The following NINL variants were observed in gnomAD, a reference collection of about 807,000 sequenced individuals.
The protein encoded by NINL is ninein-like protein.
A neutral mutation model predicts 160.3 loss-of-function variants in NINL; 153 were observed. The ratio of observed to expected loss-of-function variants is 0.95; its 90% CI spans 0.84 to 1.09. The LOEUF is 1.09. Ranked by LOEUF, NINL falls within the 50% of genes least tolerant of loss-of-function variation. NINL has a pLI of 0.00. For synonymous variants in NINL, 800 were observed against 734.8 expected (o/e 1.09, Z -1.43); for missense variants, 1,829 against 1,764.0 (o/e 1.04, Z -0.66).
chr20:25,498,126 G>A, intron 9 of NINL, 84 bp downstream of exon 9: 1 of 1,509,582 alleles, frequency 6.6e-7, no homozygotes, highest in South Asian at 1.2e-5. Context: ...AGAGCTGACT[G>A]GTGTCCTTTG....
intron 1 of NINL, among the ~76,000 whole-genome samples, chr20:25,562,082 C>CA (rs2064948925): frequency 7.4e-6 from 1 of 135,374 alleles, no homozygotes; most frequent in East Asian, 2.1e-4. Flanking sequence ...GTGGGGGGGT[C>CA]AGCCCCCCGC....
chr20:25,494,862 C>A (rs759588494), intron 10 of NINL, among the ~76,000 whole-genome samples: 2 of 152,208 alleles, frequency 1.3e-5, no homozygotes, highest in Non-Finnish European at 2.9e-5. Flanking sequence ...CCACCTGAGG[C>A]TCTTGCTCCC....
rs183089341 is a variant in NINL, at chr20:25,476,366, T to C, written c.2925A>G (p.Leu975=). ...AASCRGQAER[L]QAIQEERARS... The stretch of plus-strand genomic sequence containing the variant: ...GTGCTCGCTCTTCCTGAATGGCCTG[T>C]AGCCTCTCAGCCTGTCCCCTGCACG... The change falls in exon 17 of 24, where the codon CTA becomes CTG. Residue 975 remains leucine, a synonymous_variant. Transcript: ENST00000278886. 2.4e-5 allele frequency: 38 copies of C among 1,611,708 alleles called. No individual in the cohort carries two copies. In the Admixed American group the frequency reaches 3.3e-4, roughly 14 times the overall value.
chr20:25,496,578 C>T, intron 10 of NINL, 85 bp downstream of exon 10: 1 of 1,528,378 alleles, frequency 6.5e-7, no homozygotes, highest in Non-Finnish European at 8.8e-7. Context: ...CAGCTCTGGC[C>T]CCTGGCAGCC....
At chr20:25,547,264 G>T (rs2064746039) in intron 1 of NINL, among the ~76,000 whole-genome samples, 1 of 152,160 alleles carries the variant, frequency 6.6e-6, no homozygotes, top group South Asian at 2.1e-4. Context: ...CCAGCCTCCA[G>T]GGTGGGCGGG....
chr20:25,577,474 C>T (rs1328779479), intron 1 of NINL, among the ~76,000 whole-genome samples: 2 of 152,238 alleles, frequency 1.3e-5, no homozygotes, highest in African/African-American at 4.8e-5. Context: ...CTTCCAGATA[C>T]AAGGAGCTCT....
At chr20:25,582,734 C>A (rs1443710657) in intron 1 of NINL, among the ~76,000 whole-genome samples, 1 of 152,064 alleles carries the variant, frequency 6.6e-6, no homozygotes, top group Non-Finnish European at 1.5e-5. Flanking sequence ...AATATACAAG[C>A]ATTCTTGCAC....
chr20:25,467,482 G>C, intron 18 of NINL, 24 bp from the exon 19 acceptor site: 1 of 1,589,256 alleles, frequency 6.3e-7, no homozygotes, highest in Non-Finnish European at 8.6e-7. Flanking sequence ...ACAATTAACA[G>C]TGATACCACT....
chr20:25,526,686 A>G, intron 1 of NINL, 88 bp from the exon 2 acceptor site: 2 of 1,380,998 alleles, frequency 1.4e-6, no homozygotes, highest in Non-Finnish European at 2.0e-6. Flanking sequence ...ACCGAGCTAC[A>G]TGGTCCAAGC....
At chr20:25,495,873 G>A (rs532378418) in intron 10 of NINL, among the ~76,000 whole-genome samples, 7 of 152,354 alleles carry the variant, frequency 4.6e-5, no homozygotes, top group East Asian at 3.9e-4. Context: ...AAGGCCAGGC[G>A]TGGTGGCTCA....
intron 17 of NINL, among the ~76,000 whole-genome samples, chr20:25,471,028 T>C (rs2063081657): frequency 6.6e-6 from 1 of 152,160 alleles, no homozygotes; most frequent in South Asian, 2.1e-4. Flanking sequence ...TATTTTTTTG[T>C]TTTTTCTTTG....
At chr20:25,566,058 G>C (rs919477931) in intron 1 of NINL, among the ~76,000 whole-genome samples, 1 of 152,152 alleles carries the variant, frequency 6.6e-6, no homozygotes, top group South Asian at 2.1e-4. Context: ...GCAGCCAGCC[G>C]GGCACTGGAC....
At chr20:25,469,862 T>G in intron 18 of NINL, 129 bp downstream of exon 18, 1 of 676,066 alleles carries the variant, frequency 1.5e-6, no homozygotes, top group South Asian at 1.9e-5. Context: ...AGGCTCATGG[T>G]TTAGGGTTTT....
At chr20:25,464,628 C>T (rs1350014363) in intron 19 of NINL, among the ~76,000 whole-genome samples, 1 of 152,180 alleles carries the variant, frequency 6.6e-6, no homozygotes, top group Non-Finnish European at 1.5e-5. Flanking sequence ...AGCCGCCTGC[C>T]TCCCGGGGAC....
intron 19 of NINL, among the ~76,000 whole-genome samples, chr20:25,465,672 C>G (rs401166): frequency 0.45 from 69,011 of 151,930 alleles, 16,272 homozygotes; most frequent in East Asian, 0.92. Flanking sequence ...CGGCCGTCAA[C>G]GCTGTGTTTG....
Position 25,475,949 on chromosome 20 carries a change from G to A in NINL, c.3248+94C>T, listed in dbSNP as rs2063221024. The A allele has an allele frequency of 6.1e-6, 8 of 1,317,214 alleles. No homozygotes were observed. In the East Asian group the frequency reaches 1.2e-4, roughly 19 times the overall value. 81.6% of individuals were successfully genotyped at this position (1,317,214 alleles called of 1,614,324 possible). A position where few individuals can be genotyped will look rare whatever the true frequency, so the allele number is the denominator to read the frequency against. On this transcript the variant is annotated intron_variant, in intron 17 of 23. Transcript: ENST00000278886. ...GGGGCTGCGAGCTTGTCGGCAGGAAGGGCCACATAGCACCATTAGCAACAG... is the reference window on the plus strand; with the variant it reads ...GGGGCTGCGAGCTTGTCGGCAGGAAAGGCCACATAGCACCATTAGCAACAG...
At chr20:25,577,305 C>T (rs893628270) in intron 1 of NINL, among the ~76,000 whole-genome samples, 14 of 152,324 alleles carry the variant, frequency 9.2e-5, no homozygotes, top group African/African-American at 3.1e-4. Flanking sequence ...CTGTTCAAGG[C>T]CCTGCCGCCT....
At chr20:25,468,554 G>A (rs1390660585) in intron 18 of NINL, among the ~76,000 whole-genome samples, 1 of 127,276 alleles carries the variant, frequency 7.9e-6, no homozygotes, top group African/African-American at 3.1e-5. Context: ...GACTCTCACT[G>A]GTGCGCACCC....
intron 18 of NINL, 134 bp from the exon 19 acceptor site, chr20:25,467,592 T>C (rs1480997609): frequency 1.8e-5 from 13 of 704,366 alleles, no homozygotes; most frequent in Admixed American, 1.5e-4. Context: ...CCCCTGGCAT[T>C]CTCCAGCCCC....
Sources: gnomAD v4.1 joint callset for allele counts (sites outside exome capture counted in the v4.1 genomes callset) on GRCh38, gnomAD v4.1.1 for gene constraint, MANE v1.5 for transcripts, NCBI Gene and HGNC (gene_info 2026-07-23, HGNC 2026-07-21) for gene names.